GALNT18: variants seen among roughly 807,000 people sequenced by gnomAD.
GALNT18 encodes the protein GalNAc-transferase 18.
GALNT18 carries 44 observed loss-of-function variants against 69.5 expected under a neutral mutation model. That is an observed-to-expected ratio of 0.63 (90% CI 0.50 to 0.81). The LOEUF (loss-of-function observed/expected upper bound fraction) is 0.81, where lower values mean the gene tolerates loss of function less well. GALNT18 is among the 40% of genes least tolerant of loss of function. GALNT18 has a pLI of 0.00. For synonymous variants in GALNT18, 364 were observed against 318.2 expected, an observed-to-expected ratio of 1.14 and a Z score of -1.53; for missense variants, 715 against 810.0, an observed-to-expected ratio of 0.88 and a Z score of 1.42.
intron 1 of GALNT18, among the ~76,000 whole-genome samples, chr11:11,557,997 T>C (rs771347565): frequency 1.3e-5 from 2 of 152,208 alleles, no homozygotes; most frequent in Non-Finnish European, 2.9e-5. Flanking sequence ...AACTGTATGA[T>C]GGAAACTGAA....
Position 11,448,873 on chromosome 11 carries a change from T to C in GALNT18, c.299A>G (p.His100Arg), listed in dbSNP as rs764172117. The C allele has an allele frequency of 1.2e-6, 2 of 1,608,078 alleles. No homozygotes were observed. Among genetic ancestry groups the C allele is most frequent in the Admixed American group, 1.7e-5 (1 of 59,100 alleles). ...EPFTDSSLFA[H>R]WGQELSPEGR... ...TTCGGGGCTGAGCTCCTGGCCCCAGTGTGCAAACAGAGAGGAGTCTGTGAA... is the reference window on the plus strand; with the variant it reads ...TTCGGGGCTGAGCTCCTGGCCCCAGCGTGCAAACAGAGAGGAGTCTGTGAA... Residue 100 changes from histidine to arginine, a missense_variant, in exon 2 of 11, where the codon CAC (histidine) becomes CGC (arginine). Physicochemically the swap from His to Arg is conservative, Grantham distance 29. Transcript: ENST00000227756.
chr11:11,437,763 G>A (rs1178884452), intron 2 of GALNT18, among the ~76,000 whole-genome samples: 1 of 110,386 alleles, frequency 9.1e-6, no homozygotes, highest in Non-Finnish European at 1.7e-5. Flanking sequence ...CCTGGGGGTG[G>A]GGGGTGGGAA....
At chr11:11,301,942 G>GTCTC (rs1242875400) in intron 9 of GALNT18, among the ~76,000 whole-genome samples, 1 of 152,150 alleles carries the variant, frequency 6.6e-6, no homozygotes, top group Non-Finnish European at 1.5e-5. Flanking sequence ...TGGAGTAACA[G>GTCTC]TCTCTACCTG....
chr11:11,407,118 C>T (rs1404603086), intron 3 of GALNT18, among the ~76,000 whole-genome samples: 1 of 152,176 alleles, frequency 6.6e-6, no homozygotes, highest in African/African-American at 2.4e-5. Context: ...GATTGCCAAG[C>T]CCAGGACTTG....
At chr11:11,560,092 GAT>G (rs1858445477) in intron 1 of GALNT18, among the ~76,000 whole-genome samples, 1 of 151,604 alleles carries the variant, frequency 6.6e-6, no homozygotes, top group African/African-American at 2.4e-5. Context: ...TGATGGGCGG[GAT>G]GGAATGGAAT....
rs775268594 is a variant in GALNT18, at chr11:11,435,345, T to C, written c.429-2558A>G. On this transcript the variant is annotated intron_variant, in intron 2 of 10. Transcript: ENST00000227756. This position sits in a 1 kb window ranked among gnomAD's most constrained non-coding sequence, Gnocchi z 4.4. ...TCCTCCCAGTAGCAGCCCTGATGGT[T>C]TGAGCTGCCAGTCTCTGGAAGCTGG... Among the ~76,000 whole-genome samples the C allele has an allele frequency of 1.8e-4, 28 of 152,300 alleles. No individual in the cohort carries two copies. Among genetic ancestry groups the C allele is most frequent in the Non-Finnish European group, 3.4e-4 (23 of 68,024 alleles).
At chr11:11,518,637 G>A (rs1343056701) in intron 1 of GALNT18, among the ~76,000 whole-genome samples, 1 of 152,232 alleles carries the variant, frequency 6.6e-6, no homozygotes, top group Non-Finnish European at 1.5e-5. Context: ...AAGACACAAA[G>A]ATGCAAATTC....
Position 11,421,521 on chromosome 11 carries a change from C to T in GALNT18, c.595+11100G>A, listed in dbSNP as rs1855004159. ...ACCAGGGCTAGCTGGGAAGCTGGGG[C>T]CCAGCTAAGGGGATGAGGCAGGCAT... On this transcript the variant is annotated intron_variant, in intron 3 of 10. Transcript: ENST00000227756. This position sits in a 1 kb window ranked among gnomAD's most constrained non-coding sequence, Gnocchi z 5.6. Among the ~76,000 whole-genome samples the T allele has an allele frequency of 1.3e-5, 2 of 152,026 alleles. No individual in the cohort carries two copies. The highest frequency in any genetic ancestry group is 2.9e-5 in the Non-Finnish European group (2 of 67,992).
In GALNT18 at chr11:11,356,514, A is replaced by G. The variant is rs1471967244; in HGVS notation, c.1093-15510T>C. ...TTGTTTTTGCTTTTTTCCAAAATTC[A>G]GGAAATTAAACATTGATACATGACT... On this transcript the variant is annotated intron_variant, in intron 6 of 10. Coordinates refer to ENST00000227756, the MANE Select transcript of GALNT18 (RefSeq NM_198516.3). The surrounding 1 kb of genome is among the most constrained non-coding windows in gnomAD (Gnocchi z 4.4). Among the ~76,000 whole-genome samples the G allele has an allele frequency of 1.3e-5, 2 of 152,236 alleles. No homozygotes were observed. The highest frequency in any genetic ancestry group is 2.4e-5 in the African/African-American group (1 of 41,460).
intron 3 of GALNT18, among the ~76,000 whole-genome samples, chr11:11,407,603 G>A (rs11021836): frequency 0.35 from 53,084 of 152,112 alleles, 10,001 homozygotes; most frequent in East Asian, 0.69. Flanking sequence ...AATGCTGCCA[G>A]ATGATTTAGG....
intron 1 of GALNT18, among the ~76,000 whole-genome samples, chr11:11,539,981 G>A (rs1664648522): frequency 6.6e-6 from 1 of 152,202 alleles, no homozygotes; most frequent in Admixed American, 6.5e-5. Context: ...TGGATTTCCA[G>A]TACCAATGGG....
Position 11,591,757 on chromosome 11 carries a change from C to T in GALNT18, c.235+29602G>A, listed in dbSNP as rs1859366728. Among the ~76,000 whole-genome samples the T allele has an allele frequency of 6.6e-6, 1 of 152,170 alleles. No homozygotes were observed. Among genetic ancestry groups the T allele is most frequent in the Non-Finnish European group, 1.5e-5 (1 of 68,034 alleles). On this transcript the variant is annotated intron_variant, in intron 1 of 10. Coordinates refer to ENST00000227756, the MANE Select transcript of GALNT18 (RefSeq NM_198516.3). This position sits in a 1 kb window ranked among gnomAD's most constrained non-coding sequence, Gnocchi z 4.8. ...TGAGCCCAGCCATACAGATGTGCTC[C>T]CATACCCTTTGAAGGGACAAAAATA...
intron 3 of GALNT18, among the ~76,000 whole-genome samples, chr11:11,385,259 C>T (rs552074238): frequency 6.6e-5 from 10 of 151,992 alleles, no homozygotes; most frequent in Non-Finnish European, 1.0e-4. Context: ...ATGACTCAAA[C>T]GCCTCCCATT....
In GALNT18 at chr11:11,584,970, C is replaced by T. The variant is rs1859177305; in HGVS notation, c.235+36389G>A. The stretch of plus-strand genomic sequence containing the variant: ...GAAAACTTGCCTCCACCACTATGAG[C>T]TTGACGGCTTCCCAACACCTAAAGA... On this transcript the variant is annotated intron_variant, in intron 1 of 10. Coordinates refer to ENST00000227756, the MANE Select transcript of GALNT18 (RefSeq NM_198516.3). The surrounding 1 kb of genome is among the most constrained non-coding windows in gnomAD (Gnocchi z 4.1). 6.6e-6 allele frequency among the ~76,000 whole-genome samples: 1 copy of T among 152,158 alleles called. No individual in the cohort carries two copies. The highest frequency in any genetic ancestry group is 2.1e-4 in the South Asian group (1 of 4,820).
chr11:11,312,123 A>AT (rs34291023), intron 9 of GALNT18, among the ~76,000 whole-genome samples: 13,435 of 152,082 alleles, frequency 0.088, 759 homozygotes, highest in Non-Finnish European at 0.13. Flanking sequence ...TGCCTGGCTA[A>AT]TTTTTTGTAT....
At position 11,596,562 on chromosome 11, in the gene GALNT18, G is replaced by A. The variant is rs1298683266; in HGVS notation, c.235+24797C>T. ...TCAACAATGTTTTGTAGTTTTCAGAGTATGAGTTTCTGCACTTTTTTCTTA... is the reference window on the plus strand; with the variant it reads ...TCAACAATGTTTTGTAGTTTTCAGAATATGAGTTTCTGCACTTTTTTCTTA... On this transcript the variant is annotated intron_variant, in intron 1 of 10. Transcript: ENST00000227756. This position sits in a 1 kb window ranked among gnomAD's most constrained non-coding sequence, Gnocchi z 4.2. Among the ~76,000 whole-genome samples, 1 of 152,100 alleles carries A rather than the reference G, an allele frequency of 6.6e-6. No individual in the cohort carries two copies. Among genetic ancestry groups the A allele is most frequent in the Admixed American group, 6.6e-5 (1 of 15,252 alleles).
chr11:11,274,268 GAGCT>G (rs1341751212), intron 10 of GALNT18, among the ~76,000 whole-genome samples: 1 of 152,228 alleles, frequency 6.6e-6, no homozygotes, highest in Non-Finnish European at 1.5e-5. Flanking sequence ...GGCAGACACT[GAGCT>G]AGCTGCAGGA....
intron 9 of GALNT18, among the ~76,000 whole-genome samples, chr11:11,296,561 GC>G (rs1253010712): frequency 1.3e-5 from 2 of 152,162 alleles, no homozygotes; most frequent in East Asian, 3.9e-4. Context: ...TGTCATCAAA[GC>G]CTGGTTCTTG....
chr11:11,509,094 GC>G (rs1384702227), intron 1 of GALNT18, among the ~76,000 whole-genome samples: 1 of 150,970 alleles, frequency 6.6e-6, no homozygotes, highest in Non-Finnish European at 1.5e-5. Flanking sequence ...CTTTTCCCTT[GC>G]CCATTCTGAA....
Sources: allele counts gnomAD v4.1 joint callset (sites outside exome capture counted in the v4.1 genomes callset), GRCh38; gene constraint gnomAD v4.1.1; non-coding constraint Gnocchi (gnomAD v3.1); transcripts MANE v1.5; gene names NCBI Gene and HGNC (gene_info 2026-07-23, HGNC 2026-07-21).